The following TRDN variants were observed in gnomAD, a reference collection of about 807,000 sequenced individuals.
TRDN encodes the protein triadin in skeletal muscle.
In TRDN, 161 loss-of-function variants were observed where a neutral mutation model predicts 149.7. The ratio of observed to expected loss-of-function variants is 1.08; its 90% confidence interval spans 0.95 to 1.23. The LOEUF (loss-of-function observed/expected upper bound fraction) is 1.23. Ranked by LOEUF, TRDN falls within the 50% of genes most tolerant of loss-of-function variation. The pLI, the probability that TRDN is intolerant of heterozygous loss-of-function variation, is 0.00. For synonymous variants in TRDN, 294 were observed against 250.5 expected (o/e 1.17, Z -1.64); for missense variants, 896 against 823.5 (o/e 1.09, Z -1.08).
intron 38 of TRDN, among the ~76,000 whole-genome samples, chr6:123,241,244 A>G (rs1775976990): frequency 6.6e-6 from 1 of 151,320 alleles, no homozygotes; most frequent in Admixed American, 6.6e-5. Context: ...ACTTTTATTT[A>G]TTCATCATTA....
At chr6:123,352,428 A>G in intron 21 of TRDN, 111 bp downstream of exon 21, 2 of 1,482,750 alleles carry the variant, frequency 1.3e-6, no homozygotes, top group Admixed American at 5.4e-5. Flanking sequence ...AGTGATAAAG[A>G]GTAATAGACT....
intron 24 of TRDN, among the ~76,000 whole-genome samples, chr6:123,313,229 T>C (rs1778899235): frequency 6.6e-6 from 1 of 151,980 alleles, no homozygotes; most frequent in South Asian, 2.1e-4. Context: ...CATTAGAATG[T>C]GCTCCTTTAG....
At chr6:123,594,737 A>G (rs1783951862) in intron 1 of TRDN, among the ~76,000 whole-genome samples, 1 of 143,116 alleles carries the variant, frequency 7.0e-6, no homozygotes, top group Admixed American at 6.9e-5. Context: ...CTGAAAATTT[A>G]TAGTATGAAA....
chr6:123,443,323 A>G (rs1463567596), intron 10 of TRDN, among the ~76,000 whole-genome samples: 1 of 151,756 alleles, frequency 6.6e-6, no homozygotes, highest in East Asian at 1.9e-4. Context: ...GCCTGAGACC[A>G]TAGGAGGTGG....
chr6:123,434,077 A>G (rs553763575), intron 12 of TRDN: 52 of 152,288 alleles, frequency 3.4e-4, no homozygotes, highest in African/African-American at 1.2e-3. Context: ...GAATTGCCAA[A>G]TTTGATCATA....
At chr6:123,537,297 A>C (rs534913275) in intron 4 of TRDN, among the ~76,000 whole-genome samples, 2 of 152,304 alleles carry the variant, frequency 1.3e-5, no homozygotes, top group African/African-American at 4.8e-5. Flanking sequence ...TTGTCTTATA[A>C]CACTTGTCTC....
intron 37 of TRDN, among the ~76,000 whole-genome samples, chr6:123,253,023 A>G (rs1776427854): frequency 6.6e-6 from 1 of 152,136 alleles, no homozygotes; most frequent in Non-Finnish European, 1.5e-5. Context: ...TTTATAAAAT[A>G]TATCATTTAG....
intron 38 of TRDN, among the ~76,000 whole-genome samples, chr6:123,235,648 A>G (rs1428818023): frequency 1.3e-5 from 2 of 152,162 alleles, no homozygotes; most frequent in Non-Finnish European, 2.9e-5. Flanking sequence ...GAATTTTAAG[A>G]CACGTATAGA....
intron 10 of TRDN, 113 bp from the exon 11 acceptor site, chr6:123,439,116 C>T: frequency 2.8e-6 from 2 of 723,538 alleles, no homozygotes; most frequent in Middle Eastern, 2.4e-4. Flanking sequence ...AGCTTTGTGA[C>T]TGAGCAAGTA....
chr6:123,289,092 A>G (rs551006977), intron 24 of TRDN, among the ~76,000 whole-genome samples: 29 of 147,158 alleles, frequency 2.0e-4, no homozygotes, highest in African/African-American at 6.9e-4. Flanking sequence ...ATATATATAT[A>G]CACTATATAT....
chr6:123,283,475 A>T (rs780531301), intron 24 of TRDN, among the ~76,000 whole-genome samples: 10 of 151,984 alleles, frequency 6.6e-5, no homozygotes, highest in Non-Finnish European at 1.3e-4. Flanking sequence ...ATCAGAACAG[A>T]AATAAATGAA....
At chr6:123,397,496 G>GA (rs1485817055) in intron 12 of TRDN, among the ~76,000 whole-genome samples, 1 of 151,916 alleles carries the variant, frequency 6.6e-6, no homozygotes, top group Non-Finnish European at 1.5e-5. Flanking sequence ...CAAACTGCTG[G>GA]AAAAATTGTC....
intron 12 of TRDN, among the ~76,000 whole-genome samples, chr6:123,416,477 T>G (rs779311357): frequency 9.9e-5 from 15 of 152,150 alleles, no homozygotes; most frequent in Non-Finnish European, 1.3e-4. Flanking sequence ...TTCATCCAAG[T>G]CTCTGTTCAG....
intron 1 of TRDN, among the ~76,000 whole-genome samples, chr6:123,586,737 A>T (rs1783506767): frequency 6.6e-6 from 1 of 151,974 alleles, no homozygotes; most frequent in South Asian, 2.1e-4. Context: ...AGAAGGAGGA[A>T]TGGAGGGTGG....
chr6:123,272,436 T>G (rs1365827720), intron 29 of TRDN, among the ~76,000 whole-genome samples: 1 of 151,878 alleles, frequency 6.6e-6, no homozygotes, highest in African/African-American at 2.4e-5. Flanking sequence ...ATGTATCTTT[T>G]TTTTACAAGC....
At chr6:123,218,855 C>A (rs1775037926) in intron 40 of TRDN, 115 bp from the exon 41 acceptor site, 2 of 1,150,296 alleles carry the variant, frequency 1.7e-6, no homozygotes, top group Non-Finnish European at 1.2e-6. Context: ...GCCTCCGTAG[C>A]TGTTGGCAAG....
At chr6:123,434,114 C>T (rs1359326009) in intron 12 of TRDN, 1 of 152,112 alleles carries the variant, frequency 6.6e-6, no homozygotes, top group Admixed American at 6.6e-5. Flanking sequence ...TCCTTTTCAT[C>T]TTTTGGGGGA....
chr6:123,325,762 CT>C (rs559959223), intron 23 of TRDN, among the ~76,000 whole-genome samples: 74 of 152,188 alleles, frequency 4.9e-4, no homozygotes, highest in African/African-American at 1.7e-3. Flanking sequence ...GTTAAGTTTA[CT>C]ATGGCATATG....
At chr6:123,564,605 G>T (rs1782187237) in intron 2 of TRDN, among the ~76,000 whole-genome samples, 1 of 152,158 alleles carries the variant, frequency 6.6e-6, no homozygotes. Context: ...CACCTCATTA[G>T]AAAATCTATT....
Sources: allele counts gnomAD v4.1 joint callset (sites outside exome capture counted in the v4.1 genomes callset), GRCh38; gene constraint gnomAD v4.1.1; transcripts MANE v1.5; gene names NCBI Gene and HGNC (gene_info 2026-07-23, HGNC 2026-07-21).